The following PNN variants were observed in gnomAD, a reference collection of about 807,000 sequenced individuals.
The protein encoded by PNN is pinin.
A neutral mutation model predicts 76.6 loss-of-function variants in PNN; 38 were observed. The ratio of observed to expected loss-of-function variants is 0.50; its 90% confidence interval spans 0.38 to 0.65. PNN has a LOEUF of 0.65. Among genes scored for constraint, PNN ranks in the 30% least tolerant of loss-of-function variants. The pLI, the probability that PNN is intolerant of heterozygous loss-of-function variation, is 0.00. For missense variants in PNN, 873 were observed against 874.1 expected (o/e 1.00, Z 0.02); for synonymous variants, 366 against 283.7 (o/e 1.29, Z -2.91).
intron 3 of PNN, 128 bp downstream of exon 3, chr14:39,176,723 C>CG (rs950125443): frequency 5.6e-5 from 37 of 657,818 alleles, no homozygotes; most frequent in Admixed American, 5.5e-4. Context: ...CCCTGCCCCC[C>CG]CCAAGTTCTG....
chr14:39,178,531 CAAAAA>C (rs1223001469), intron 6 of PNN, among the ~76,000 whole-genome samples: 1 of 150,334 alleles, frequency 6.7e-6, no homozygotes, highest in Non-Finnish European at 1.5e-5. Flanking sequence ...AACTCCATCT[CAAAAA>C]AAGAAAAAAT....
Position 39,175,680 on chromosome 14 carries a change from C to T in PNN, c.113+288C>T, listed in dbSNP as rs1303621646. On this transcript the variant is annotated intron_variant, in intron 1 of 8. Coordinates refer to ENST00000216832, the MANE Select transcript of PNN (RefSeq NM_002687.4). ...CTGCTGATTCCCGCTCTCGGCCCTGCAGGCCCGGAACTGCAGCACAAAGCC... is the reference window on the plus strand; with the variant it reads ...CTGCTGATTCCCGCTCTCGGCCCTGTAGGCCCGGAACTGCAGCACAAAGCC... 6 of 487,670 alleles carry T rather than the reference C, an allele frequency of 1.2e-5. No individual in the cohort carries two copies. The East Asian group carries it at 1.2e-4, about 10-fold the overall frequency. 30.2% of individuals were successfully genotyped at this position (487,670 alleles called of 1,614,324 possible). A position where few individuals can be genotyped will look rare whatever the true frequency, so the allele number is the denominator to read the frequency against.
chr14:39,179,744 C>CA (rs1443443063), intron 8 of PNN, among the ~76,000 whole-genome samples: 6 of 151,392 alleles, frequency 4.0e-5, no homozygotes, highest in African/African-American at 9.7e-5. Context: ...ACTAAAAATA[C>CA]AAAAAAAATT....
Position 39,175,401 on chromosome 14 carries a change from C to G in PNN, c.113+9C>G, listed in dbSNP as rs746108868. On this transcript the variant is annotated intron_variant, in intron 1 of 8. Coordinates refer to ENST00000216832, the MANE Select transcript of PNN (RefSeq NM_002687.4). ...GATCCGAATGACGTGAGGTAAGGGCCTAACGGGAACTCGGAACTCGGAGCT... is the reference window on the plus strand; with the variant it reads ...GATCCGAATGACGTGAGGTAAGGGCGTAACGGGAACTCGGAACTCGGAGCT... 5.2e-6 allele frequency: 8 copies of G among 1,542,204 alleles called. No homozygotes were observed. The Admixed American group carries it at 1.3e-4, about 26-fold the overall frequency.
At chr14:39,177,199 C>G (rs1246175217) in intron 3 of PNN, among the ~76,000 whole-genome samples, 2 of 152,170 alleles carry the variant, frequency 1.3e-5, no homozygotes, top group Non-Finnish European at 2.9e-5. Context: ...AGCCTAGATA[C>G]ATGGTGAAAT....
rs776514077 is a variant in PNN at position 39,179,239 on chromosome 14, C to T, written c.647C>T (p.Ala216Val). 8 of 1,612,228 alleles carry T rather than the reference C, an allele frequency of 5.0e-6. No individual in the cohort carries two copies. Among genetic ancestry groups the T allele is most frequent in the African/African-American group, 1.3e-5 (1 of 74,754 alleles). ...LRLLEQKVEL[A>V]QLQEEWNEHN... ...CTTTTGGAACAGAAAGTTGAGCTTG[C>T]GCAGCTGGTGAGTGGTAATTTGGAA... is the stretch of plus-strand genomic sequence containing the variant. The change falls in exon 7 of 9, where the codon GCG becomes GTG. Residue 216 changes from alanine to valine, a missense_variant. By Grantham distance (64) the Ala-to-Val change is moderately conservative. Transcript: ENST00000216832.
intron 1 of PNN, among the ~76,000 whole-genome samples, 164 bp downstream of exon 1, chr14:39,175,556 C>T (rs977479382): frequency 2.6e-5 from 4 of 152,188 alleles, no homozygotes; most frequent in African/African-American, 9.6e-5. Context: ...TGGAGAGGCC[C>T]CAGGTCCCCT....
Position 39,176,064 on chromosome 14 carries a change from TA to T in PNN, c.114-11del. The T allele has an allele frequency of 6.5e-7, 1 of 1,538,506 alleles. No homozygotes were observed. The highest frequency in any genetic ancestry group is 9.0e-7 in the Non-Finnish European group (1 of 1,111,394). On this transcript the variant is annotated splice_polypyrimidine_tract_variant and intron_variant, in intron 1 of 8. Coordinates refer to ENST00000216832, the MANE Select transcript of PNN (RefSeq NM_002687.4). ...CTACATATGATTTTGCACTGATTTG[TA>T]AATCTTTTACAGGCCCATCCAAGCC...
chr14:39,175,983 A>ATT (rs149851357), intron 1 of PNN, 95 bp from the exon 2 acceptor site: 1 of 696,452 alleles, frequency 1.4e-6, no homozygotes, highest in African/African-American at 1.8e-5. Flanking sequence ...AACTTTTGTG[A>ATT]TTTTTTCTCC....
chr14:39,175,666 C>A (rs188215959), intron 1 of PNN: 20 of 496,390 alleles, frequency 4.0e-5, no homozygotes, highest in Non-Finnish European at 7.1e-5. Context: ...TGCTGATTCC[C>A]GCTCTCGGCC....
intron 1 of PNN, chr14:39,175,719 G>T: frequency 2.2e-6 from 1 of 464,252 alleles, no homozygotes; most frequent in Non-Finnish European, 3.8e-6. Flanking sequence ...TCCCGCTCCG[G>T]CGGACACCCG....
rs778069610 is a variant in PNN at position 39,181,760 on chromosome 14, G to A, written c.2051G>A (p.Arg684Gln). The change falls in exon 9 of 9, where the codon CGG (arginine) becomes CAG (glutamine). Residue 684 changes from arginine (R) to glutamine (Q), a missense_variant. By Grantham distance (43) the Arg-to-Gln change is conservative (BLOSUM62 1). This residue lies in a region of PNN where 712 missense variants were observed against 693.1 expected (regional missense o/e 1.03). Coordinates refer to ENST00000216832, the MANE Select transcript of PNN (RefSeq NM_002687.4). ...DTKGSKDKNS[R>Q]SDRKRSISES... is the part of the protein sequence containing the mutation. ...AAAGGATCAAAGGATAAGAATTCCC[G>A]GTCCGACAGAAAGAGGTCTATATCA... 4.3e-6 allele frequency: 7 copies of A among 1,613,984 alleles called. No homozygotes were observed. Among genetic ancestry groups the A allele is most frequent in the Non-Finnish European group, 3.4e-6 (4 of 1,180,012 alleles).
chr14:39,175,459 G>C, intron 1 of PNN, 67 bp downstream of exon 1: 1 of 952,964 alleles, frequency 1.0e-6, no homozygotes, highest in Non-Finnish European at 1.7e-6. Flanking sequence ...GGGTGAATTG[G>C]GGGCGGGGAG....
Position 39,181,786 on chromosome 14 carries a change from G to C in PNN, c.2077G>C (p.Glu693Gln). The C allele has an allele frequency of 6.2e-7, 1 of 1,613,734 alleles. No homozygotes were observed. ...GTCCGACAGAAAGAGGTCTATATCA[G>C]AGAGTAGTCGATCAGGCAAAAGATC... Reference protein sequence around the residue: ...SRSDRKRSISESSRSGKRSSR... With the variant: ...SRSDRKRSISQSSRSGKRSSR... The change falls in exon 9 of 9, where the codon GAG becomes CAG. Residue 693 changes from glutamate (E) to glutamine (Q), a missense_variant. Coordinates refer to ENST00000216832, the MANE Select transcript of PNN (RefSeq NM_002687.4).
In PNN at chr14:39,181,701, C is replaced by A; in HGVS notation, c.1992C>A (p.His664Gln). ...RRDTSGLERSHKSSKGGSSRD... is the reference protein window; with the variant it reads ...RRDTSGLERSQKSSKGGSSRD... ...ATACTTCAGGACTAGAAAGAAGTCA[C>A]AAATCTTCAAAAGGTGGTAGTAGTA... Residue 664 changes from histidine to glutamine, a missense_variant, in exon 9 of 9, where the codon CAC becomes CAA. By Grantham distance (24) the His-to-Gln change is conservative. Transcript: ENST00000216832. 4 of 1,614,000 alleles carry A rather than the reference C, an allele frequency of 2.5e-6. No individual in the cohort carries two copies. In the South Asian group the frequency reaches 4.4e-5, roughly 18 times the overall value.
intron 3 of PNN, 29 bp downstream of exon 3, chr14:39,176,624 T>C: frequency 7.9e-7 from 1 of 1,272,512 alleles, no homozygotes; most frequent in Non-Finnish European, 1.1e-6. Flanking sequence ...TCCTGAAGGC[T>C]TCTTTAGTTT....
In PNN at chr14:39,182,003, G is replaced by T; in HGVS notation, c.*140G>T. The T allele has an allele frequency of 2.6e-6, 2 of 755,122 alleles. No homozygotes were observed. Among genetic ancestry groups the T allele is most frequent in the South Asian group, 2.4e-5 (1 of 41,084 alleles). 46.8% of individuals were successfully genotyped at this position (755,122 alleles called of 1,614,324 possible). A position where few individuals can be genotyped will look rare whatever the true frequency, so the allele number is the denominator to read the frequency against. ...TCTTTTTGGAAAATACAGACTGTTT[G>T]TTTACCAGACATTCTTGTACTTTTT... On this transcript the variant is annotated 3_prime_UTR_variant, in exon 9 of 9. Coordinates refer to ENST00000216832, the MANE Select transcript of PNN (RefSeq NM_002687.4).
chr14:39,178,885 C>T (rs369194606), intron 6 of PNN: 3 of 472,854 alleles, frequency 6.3e-6, no homozygotes, highest in East Asian at 3.8e-5. Context: ...ATTATAGGTG[C>T]GTGCAACCAC....
In PNN at chr14:39,180,877, C is replaced by T; in HGVS notation, c.1168C>T (p.Leu390=). The change falls in exon 9 of 9, where the codon CTA becomes TTA. Residue 390 remains leucine, a synonymous_variant. Coordinates refer to ENST00000216832, the MANE Select transcript of PNN (RefSeq NM_002687.4). ...TCAGCCTGAAGAAGTTATGGATGTG[C>T]TAGAGATGGTTGAGAATGTCAAACA... is the stretch of plus-strand genomic sequence containing the variant. ...DSQPEEVMDV[L]EMVENVKHVI... is the part of the protein sequence containing the mutation. 6.2e-7 allele frequency: 1 copy of T among 1,613,974 alleles called. No individual in the cohort carries two copies.
Sources: allele counts gnomAD v4.1 joint callset (sites outside exome capture counted in the v4.1 genomes callset), GRCh38; gene constraint gnomAD v4.1.1; regional missense constraint gnomAD v4.1.1; transcripts MANE v1.5; gene names NCBI Gene and HGNC (gene_info 2026-07-23, HGNC 2026-07-21).